Variants in ZNF462 observed in about 807,000 individuals in gnomAD.
The protein encoded by ZNF462 is zinc finger PBX1-interacting protein.
In ZNF462, 10 loss-of-function variants were observed where a neutral mutation model predicts 201.9. The observed-to-expected ratio is 0.05, with a 90% CI of 0.03 to 0.08. ZNF462 has a LOEUF of 0.08. Among genes scored for constraint, ZNF462 ranks in the 10% least tolerant of loss-of-function variants. ZNF462 has a pLI of 1.00. For missense variants in ZNF462, 2,523 were observed against 3,168.3 expected, an observed-to-expected ratio of 0.80 and a Z score of 4.89; for synonymous variants, 1,227 against 1,193.3, an observed-to-expected ratio of 1.03 and a Z score of -0.58.
chr9:106,934,960 C>T (rs1830570301), intron 5 of ZNF462, among the ~76,000 whole-genome samples: 1 of 152,106 alleles, frequency 6.6e-6, no homozygotes, highest in South Asian at 2.1e-4. Context: ...TTAATATAGA[C>T]CCTGGCAACA....
At position 107,003,373 on chromosome 9, in the gene ZNF462, G is replaced by A; in HGVS notation, c.7136G>A (p.Ser2379Asn). ...EQMKEKMESS[S>N]SDDEDKEEEM... ...ATGAAGGAGAAAATGGAGAGCTCCA[G>A]CAGCGATGATGAGGACAAGGAAGAA... Residue 2379 changes from serine (S) to asparagine (N), a missense_variant, in exon 11 of 13, where the codon AGC (serine) becomes AAC (asparagine). Ser to Asn is a conservative substitution (Grantham distance 46). Around this residue, in one of 15 missense-constraint regions of ZNF462, gnomAD observed 228 missense variants for 361.2 expected, o/e 0.63. Coordinates refer to ENST00000277225, the MANE Select transcript of ZNF462 (RefSeq NM_021224.6). The surrounding 1 kb of genome is among the most constrained non-coding windows in gnomAD (Gnocchi z 4.4). 3 of 1,613,898 alleles carry A rather than the reference G, an allele frequency of 1.9e-6. No homozygotes were observed. Among genetic ancestry groups the A allele is most frequent in the Non-Finnish European group, 2.5e-6 (3 of 1,179,852 alleles).
At chr9:106,997,974 G>A (rs112839888) in intron 10 of ZNF462, among the ~76,000 whole-genome samples, 1 of 151,434 alleles carries the variant, frequency 6.6e-6, no homozygotes, top group Non-Finnish European at 1.5e-5. Flanking sequence ...TTGTTTATGG[G>A]TTGCTTCTGA....
In ZNF462 at chr9:106,927,155, A is replaced by T; in HGVS notation, c.3243A>T (p.Leu1081Phe). 1 of 1,614,068 alleles carries T rather than the reference A, an allele frequency of 6.2e-7. No individual in the cohort carries two copies. The highest frequency in any genetic ancestry group is 8.5e-7 in the Non-Finnish European group (1 of 1,180,016). Residue 1081 changes from leucine to phenylalanine, a missense_variant, in exon 3 of 13, where the codon TTA becomes TTT. Coordinates refer to ENST00000277225, the MANE Select transcript of ZNF462 (RefSeq NM_021224.6). ...SVDRGSALSQ[L>F]SFEVGAPMSP... is the part of the protein sequence containing the mutation. The stretch of plus-strand genomic sequence containing the variant: ...ACAGGGGCTCTGCCCTTTCTCAATT[A>T]TCATTTGAGGTGGGTGCTCCAATGT...
chr9:106,952,945 A>G (rs188144663), intron 7 of ZNF462, among the ~76,000 whole-genome samples: 3 of 152,264 alleles, frequency 2.0e-5, no homozygotes, highest in Admixed American at 6.5e-5. Flanking sequence ...GCCTGACTCC[A>G]AAGTCTGTTT....
In ZNF462 at chr9:106,872,273, A is replaced by C. The variant is rs1032995457; in HGVS notation, c.-31+8918A>C. Among the ~76,000 whole-genome samples the C allele has an allele frequency of 2.0e-5, 3 of 152,236 alleles. No homozygotes were observed. The highest frequency in any genetic ancestry group is 4.4e-5 in the Non-Finnish European group (3 of 68,042). On this transcript the variant is annotated intron_variant, in intron 1 of 12. Transcript: ENST00000277225. The surrounding 1 kb of genome is among the most constrained non-coding windows in gnomAD (Gnocchi z 4.5). ...TTATCACCCAGAATCTTTTCTCTTCAGTGGTTTCTATCTTAAATAGTCTTC... is the reference window on the plus strand; with the variant it reads ...TTATCACCCAGAATCTTTTCTCTTCCGTGGTTTCTATCTTAAATAGTCTTC...
intron 10 of ZNF462, among the ~76,000 whole-genome samples, chr9:106,998,619 A>T (rs1021083664): frequency 1.3e-5 from 2 of 151,736 alleles, no homozygotes; most frequent in Non-Finnish European, 2.9e-5. Context: ...TTATTTATTT[A>T]TTTTTTGAGA....
intron 1 of ZNF462, among the ~76,000 whole-genome samples, chr9:106,921,450 A>G (rs1405464737): frequency 1.3e-5 from 2 of 152,212 alleles, no homozygotes; most frequent in Non-Finnish European, 2.9e-5. Flanking sequence ...AGCAGACTCC[A>G]GGAGAAGCCA....
chr9:106,878,579 G>A (rs576280219), intron 1 of ZNF462, among the ~76,000 whole-genome samples: 32 of 152,192 alleles, frequency 2.1e-4, no homozygotes, highest in Non-Finnish European at 4.3e-4. Context: ...GTCAAACCCA[G>A]GGGATATGAG....
At chr9:106,990,324 C>T (rs898465387) in intron 10 of ZNF462, among the ~76,000 whole-genome samples, 4 of 152,006 alleles carry the variant, frequency 2.6e-5, no homozygotes, top group South Asian at 2.1e-4. Context: ...TATTGAGGCT[C>T]ATTCTATGGC....
At position 106,932,629 on chromosome 9, in the gene ZNF462, G is replaced by A; in HGVS notation, c.6116+80G>A. On this transcript the variant is annotated intron_variant, in intron 5 of 12. Transcript: ENST00000277225. The surrounding 1 kb of genome is among the most constrained non-coding windows in gnomAD (Gnocchi z 6.8). ...AGGCACTAAGCTAAAGCAGAAGCTT[G>A]GATGAGTAAGAAGGCCCCACTCATG... 1 of 1,579,982 alleles carries A rather than the reference G, an allele frequency of 6.3e-7. No homozygotes were observed.
chr9:106,951,689 G>T (rs1831355160), intron 7 of ZNF462, among the ~76,000 whole-genome samples: 1 of 152,074 alleles, frequency 6.6e-6, no homozygotes, highest in South Asian at 2.1e-4. Flanking sequence ...GGGAAGGAGG[G>T]TTGTTGACAG....
chr9:106,962,671 A>G lies in ZNF462; in HGVS notation c.6428-9334A>G, dbSNP rs1193474696. Among the ~76,000 whole-genome samples, 5 of 152,022 alleles carry G rather than the reference A, an allele frequency of 3.3e-5. No individual in the cohort carries two copies. The highest frequency in any genetic ancestry group is 2.9e-5 in the Non-Finnish European group (2 of 67,962). On this transcript the variant is annotated intron_variant, in intron 7 of 12. Coordinates refer to ENST00000277225, the MANE Select transcript of ZNF462 (RefSeq NM_021224.6). This position sits in a 1 kb window ranked among gnomAD's most constrained non-coding sequence, Gnocchi z 4.6. ...TGTTTTCTCAATCTATTCCCTGATC[A>G]TATTTCAAGGTTTTGTTTTTACTCA...
At chr9:106,892,401 C>T (rs1337492059) in intron 1 of ZNF462, among the ~76,000 whole-genome samples, 4 of 152,144 alleles carry the variant, frequency 2.6e-5, no homozygotes, top group Admixed American at 2.6e-4. Flanking sequence ...TCAAACTTGT[C>T]ACACAACCTG....
intron 1 of ZNF462, among the ~76,000 whole-genome samples, chr9:106,881,509 G>T (rs994454073): frequency 1.3e-5 from 2 of 152,174 alleles, no homozygotes; most frequent in African/African-American, 4.8e-5. Context: ...ATCATGAAAA[G>T]AAATCTCTGG....
chr9:106,949,329 T>C (rs912794102), intron 7 of ZNF462, among the ~76,000 whole-genome samples: 3 of 152,178 alleles, frequency 2.0e-5, no homozygotes, highest in African/African-American at 7.2e-5. Context: ...TTAAATTGTT[T>C]TGAATTAGGA....
rs537505814 is a variant in ZNF462, at chr9:106,950,255, A to G, written c.6427+11148A>G. ...GCTGAGTCAGACTTATCCCTATGTA[A>G]TGTCAGTTTACACCTAAGTATTTCA... On this transcript the variant is annotated intron_variant, in intron 7 of 12. Transcript: ENST00000277225. The surrounding 1 kb of genome is among the most constrained non-coding windows in gnomAD (Gnocchi z 4.1). Among the ~76,000 whole-genome samples the G allele has an allele frequency of 2.6e-5, 4 of 152,330 alleles. No individual in the cohort carries two copies. The East Asian group carries it at 5.8e-4, about 22-fold the overall frequency.
intron 7 of ZNF462, among the ~76,000 whole-genome samples, chr9:106,964,020 T>C (rs1831961439): frequency 6.7e-6 from 1 of 149,202 alleles, no homozygotes; most frequent in South Asian, 2.1e-4. Context: ...TGTGTGTGTG[T>C]GTGTGTGTGT....
chr9:106,872,126 T>C lies in ZNF462; in HGVS notation c.-31+8771T>C, dbSNP rs1490756144. 6.6e-6 allele frequency among the ~76,000 whole-genome samples: 1 copy of C among 152,152 alleles called. No homozygotes were observed. Among genetic ancestry groups the C allele is most frequent in the Non-Finnish European group, 1.5e-5 (1 of 68,020 alleles). ...TGTGTTATGACTAATTAGTCAGCAA[T>C]TGAGCACCAATCATTCAACCCAGAT... On this transcript the variant is annotated intron_variant, in intron 1 of 12. Transcript: ENST00000277225. The surrounding 1 kb of genome is among the most constrained non-coding windows in gnomAD (Gnocchi z 4.5).
At chr9:106,971,836 C>A (rs1389650875) in intron 7 of ZNF462, among the ~76,000 whole-genome samples, 169 bp from the exon 8 acceptor site, 1 of 152,114 alleles carries the variant, frequency 6.6e-6, no homozygotes, top group Non-Finnish European at 1.5e-5. Flanking sequence ...ACAACAGATA[C>A]ATATATCAAA....
Sources: gnomAD v4.1 joint callset for allele counts (sites outside exome capture counted in the v4.1 genomes callset) on GRCh38, gnomAD v4.1.1 for gene constraint, gnomAD v4.1.1 regional missense constraint, Gnocchi (gnomAD v3.1) non-coding constraint, MANE v1.5 for transcripts, NCBI Gene and HGNC (gene_info 2026-07-23, HGNC 2026-07-21) for gene names.